The following DDO variants were observed in gnomAD, a reference collection of about 807,000 sequenced individuals.
The protein encoded by DDO is D-aspartate oxidase, also known as D-aspartate oxidase, DDO.
In DDO, 16 loss-of-function variants were observed where a neutral mutation model predicts 16.8. The ratio of observed to expected loss-of-function variants is 0.95; its 90% confidence interval spans 0.65 to 1.45. DDO has a LOEUF of 1.45. DDO is among the 40% of genes most tolerant of loss of function. The probability of loss-of-function intolerance (pLI) is 0.00; values close to 1 mark genes in which losing one functional copy is unlikely to be tolerated. For missense variants in DDO, 429 were observed against 420.3 expected (o/e 1.02, Z -0.18); for synonymous variants, 180 against 167.2 (o/e 1.08, Z -0.59).
intron 4 of DDO, 144 bp from the exon 5 acceptor site, chr6:110,393,486 C>A: frequency 3.4e-6 from 4 of 1,191,818 alleles, no homozygotes; most frequent in Non-Finnish European, 3.3e-6. Context: ...CCCAGTCAGG[C>A]CAAATTCTAG....
intron 4 of DDO, among the ~76,000 whole-genome samples, chr6:110,398,382 G>GTA (rs1241084703): frequency 3.1e-5 from 3 of 96,162 alleles, no homozygotes; most frequent in Non-Finnish European, 5.7e-5. Flanking sequence ...TCTTAAATGC[G>GTA]TACACACACA....
chr6:110,394,799 T>C (rs1773237591), intron 4 of DDO, among the ~76,000 whole-genome samples: 1 of 152,236 alleles, frequency 6.6e-6, no homozygotes, highest in African/African-American at 2.4e-5. Flanking sequence ...ATGGGGAGGA[T>C]ACCTCCCTTG....
chr6:110,392,765 T>G lies in DDO; in HGVS notation c.*10A>C. The G allele has an allele frequency of 2.6e-6, 4 of 1,526,308 alleles. No homozygotes were observed. Among genetic ancestry groups the G allele is most frequent in the Non-Finnish European group, 2.6e-6 (3 of 1,137,614 alleles). The allele number at this position is 1,526,308 out of a possible 1,614,324, so 94.5% of individuals were successfully genotyped here. The stretch of plus-strand genomic sequence containing the variant: ...AGTCTCTCAGTCTCTTTGCTGTCAT[T>G]TTATGTCATCTACAGGTTTGACTTG... On this transcript the variant is annotated 3_prime_UTR_variant, in exon 5 of 5. Coordinates refer to ENST00000368924, the MANE Select transcript of DDO (RefSeq NM_001372108.2).
downstream of DDO, among the ~76,000 whole-genome samples, chr6:110,389,645 T>G (rs183604284): frequency 1.3e-3 from 191 of 152,320 alleles, 1 homozygote; most frequent in African/African-American, 4.4e-3. Flanking sequence ...CAAAGCATCC[T>G]ATATGGTTGG....
intron 4 of DDO, among the ~76,000 whole-genome samples, chr6:110,403,062 C>T (rs549466494): frequency 6.6e-6 from 1 of 152,288 alleles, no homozygotes; most frequent in East Asian, 1.9e-4. Flanking sequence ...AGTTAAACTC[C>T]TTAATGACAC....
In DDO at chr6:110,393,305, T is replaced by C; in HGVS notation, c.496A>G (p.Ile166Val). 1.2e-6 allele frequency: 2 copies of C among 1,609,484 alleles called. No homozygotes were observed. Among genetic ancestry groups the C allele is most frequent in the Non-Finnish European group, 1.7e-6 (2 of 1,176,422 alleles). The change falls in exon 5 of 5, where the codon ATA (isoleucine) becomes GTA (valine). Residue 166 changes from isoleucine (I) to valine (V), a missense_variant. Coordinates refer to ENST00000368924, the MANE Select transcript of DDO (RefSeq NM_001372108.2). ...GSGGWTLTRR[I>V]EDLWELHPSF... The stretch of plus-strand genomic sequence containing the variant: ...GGATGAAGTTCCCACAGGTCTTCTA[T>C]TCGCCGAGTGAGTGTCCAGCCTCCA...
At chr6:110,396,270 G>A (rs60682012) in intron 4 of DDO, among the ~76,000 whole-genome samples, 3 of 152,162 alleles carry the variant, frequency 2.0e-5, no homozygotes, top group East Asian at 3.9e-4. Context: ...CCTCTGCAGA[G>A]ACCTCTGAAG....
At chr6:110,406,631 G>A (rs945466831) in intron 3 of DDO, among the ~76,000 whole-genome samples, 1 of 152,082 alleles carries the variant, frequency 6.6e-6, no homozygotes, top group Non-Finnish European at 1.5e-5. Context: ...CCATTTCTCT[G>A]GACTTCCTTC....
chr6:110,413,808 C>G (rs934085390), intron 1 of DDO, among the ~76,000 whole-genome samples: 2 of 152,046 alleles, frequency 1.3e-5, no homozygotes, highest in East Asian at 1.9e-4. Flanking sequence ...GGGTCTTGCT[C>G]TGTTGCCCAG....
At chr6:110,397,563 G>C (rs1054197085) in intron 4 of DDO, among the ~76,000 whole-genome samples, 1 of 152,222 alleles carries the variant, frequency 6.6e-6, no homozygotes, top group Admixed American at 6.5e-5. Flanking sequence ...CACTGAAATT[G>C]TTTCCTAGGG....
At chr6:110,388,753 A>G, downstream of DDO, 1 of 977,824 alleles carries the variant, frequency 1.0e-6, no homozygotes, top group Non-Finnish European at 1.2e-6. Context: ...ACACTCAGCC[A>G]CAAAGGCCAG....
chr6:110,411,419 CAG>C (rs1359566867), intron 2 of DDO, among the ~76,000 whole-genome samples: 9 of 152,102 alleles, frequency 5.9e-5, no homozygotes, highest in Non-Finnish European at 8.8e-5. Context: ...GACAGATACT[CAG>C]ATACTATTCA....
downstream of DDO, among the ~76,000 whole-genome samples, chr6:110,389,806 G>A (rs1473694648): frequency 6.6e-6 from 1 of 152,172 alleles, no homozygotes; most frequent in Non-Finnish European, 1.5e-5. Context: ...TATCTTTCTG[G>A]ATTATTTCTA....
At chr6:110,390,164 C>T (rs1266572667), downstream of DDO, among the ~76,000 whole-genome samples, 2 of 152,142 alleles carry the variant, frequency 1.3e-5, no homozygotes, top group Non-Finnish European at 2.9e-5. Flanking sequence ...GAGCTCGATG[C>T]CCCAAGATGG....
chr6:110,413,468 T>G lies in DDO; in HGVS notation c.-4-2A>C. 1.9e-6 allele frequency: 3 copies of G among 1,612,150 alleles called. No individual in the cohort carries two copies. The highest frequency in any genetic ancestry group is 2.5e-6 in the Non-Finnish European group (3 of 1,179,380). ...GCAATCCGTGCTGTGTCCATGAGCC[T>G]GTGAGGAGGGAAATGGGAGCTATAC... On this transcript the variant is annotated splice_acceptor_variant, in intron 1 of 4. Transcript: ENST00000368924. LOFTEE classifies it low-confidence loss of function (5UTR_SPLICE).
Position 110,393,075 on chromosome 6 carries a change from C to T in DDO, c.726G>A (p.Trp242Ter). 3 of 1,613,552 alleles carry T rather than the reference C, an allele frequency of 1.9e-6. No homozygotes were observed. Among genetic ancestry groups the T allele is most frequent in the Non-Finnish European group, 2.5e-6 (3 of 1,179,430 alleles). Residue 242 changes from tryptophan to a stop codon, truncating the protein, a stop_gained, in exon 5 of 5, where the codon TGG (tryptophan) becomes TGA (stop). Coordinates refer to ENST00000368924, the MANE Select transcript of DDO (RefSeq NM_001372108.2). LOFTEE classifies it low-confidence loss of function (END_TRUNC). ...TLGGTRQKGD[W>*]NLSPDAENSR... Reference sequence around the variant, plus strand: ...TATTTTCTGCATCCGGGGACAGATTCCAGTCCCCTTTTTGCCTAGTTCCAC... The same window carrying T: ...TATTTTCTGCATCCGGGGACAGATTTCAGTCCCCTTTTTGCCTAGTTCCAC...
At chr6:110,402,000 C>T (rs911434543) in intron 4 of DDO, among the ~76,000 whole-genome samples, 1 of 152,230 alleles carries the variant, frequency 6.6e-6, no homozygotes, top group African/African-American at 2.4e-5. Flanking sequence ...TATGCATTCT[C>T]ACCCCAACAT....
intron 4 of DDO, among the ~76,000 whole-genome samples, chr6:110,404,030 C>T (rs1328564269): frequency 6.6e-6 from 1 of 152,184 alleles, no homozygotes; most frequent in East Asian, 1.9e-4. Context: ...CACATCGTTC[C>T]TATTTACCAA....
At chr6:110,412,887 T>C (rs1773906754) in intron 2 of DDO, among the ~76,000 whole-genome samples, 1 of 152,226 alleles carries the variant, frequency 6.6e-6, no homozygotes, top group South Asian at 2.1e-4. Context: ...ATGGCGGCTG[T>C]AATCCTAGCA....
Sources: allele counts gnomAD v4.1 joint callset (sites outside exome capture counted in the v4.1 genomes callset), GRCh38; gene constraint gnomAD v4.1.1; transcripts MANE v1.5; gene names NCBI Gene and HGNC (gene_info 2026-07-23, HGNC 2026-07-21).